The following CTNNB1 variants were observed in gnomAD, a reference collection of about 807,000 sequenced individuals.
The protein encoded by CTNNB1 is catenin beta-1.
Under a neutral mutation model 82.5 loss-of-function variants are expected in CTNNB1, and 6 were observed. The ratio of observed to expected loss-of-function variants is 0.07; its 90% CI spans 0.04 to 0.14. The LOEUF (loss-of-function observed/expected upper bound fraction) is 0.14. Ranked by LOEUF, CTNNB1 falls within the 10% of genes least tolerant of loss-of-function variation. The pLI, the probability that CTNNB1 is intolerant of heterozygous loss-of-function variation, is 1.00. For missense variants in CTNNB1, 529 were observed against 980.4 expected (o/e 0.54, Z 6.15); for synonymous variants, 312 against 329.7 (o/e 0.95, Z 0.58).
intron 1 of CTNNB1, among the ~76,000 whole-genome samples, chr3:41,210,061 AACAT>A (rs2077743034): frequency 6.6e-6 from 1 of 152,232 alleles, no homozygotes; most frequent in Non-Finnish European, 1.5e-5. Context: ...CGTAGCTTAA[AACAT>A]ACATTGTACA....
intron 1 of CTNNB1, among the ~76,000 whole-genome samples, chr3:41,214,822 T>TTA (rs1204334129): frequency 1.3e-5 from 2 of 151,922 alleles, no homozygotes; most frequent in African/African-American, 4.8e-5. Context: ...GACGTGAAAA[T>TTA]TATATGAAAT....
At chr3:41,216,897 G>A (rs757066836) in intron 1 of CTNNB1, among the ~76,000 whole-genome samples, 44 of 151,344 alleles carry the variant, frequency 2.9e-4, no homozygotes, top group African/African-American at 1.0e-3. Context: ...ACCATCCCCC[G>A]CTCACCTGGA....
At chr3:41,210,814 G>C (rs2077765462) in intron 1 of CTNNB1, among the ~76,000 whole-genome samples, 1 of 151,082 alleles carries the variant, frequency 6.6e-6, no homozygotes, top group Admixed American at 6.6e-5. Flanking sequence ...TTTTGAGATG[G>C]CATCTCACTC....
intron 10 of CTNNB1, 137 bp downstream of exon 10, chr3:41,234,434 TA>T: frequency 1.2e-6 from 1 of 853,960 alleles, no homozygotes; most frequent in East Asian, 2.6e-5. Context: ...AATAAATAAA[TA>T]ATTACACATT....
At chr3:41,223,443 T>C (rs189545528) in intron 1 of CTNNB1, among the ~76,000 whole-genome samples, 53 of 152,316 alleles carry the variant, frequency 3.5e-4, no homozygotes, top group African/African-American at 1.1e-3. Flanking sequence ...AAGGTGCTTT[T>C]GTGTTGCAAA....
intron 1 of CTNNB1, among the ~76,000 whole-genome samples, chr3:41,219,909 TTATAG>T (rs1452635668): frequency 2.0e-5 from 3 of 152,188 alleles, no homozygotes; most frequent in African/African-American, 7.2e-5. Context: ...AGGAGGTAGC[TTATAG>T]TATAGACATA....
At chr3:41,207,454 G>A (rs763349539) in intron 1 of CTNNB1, among the ~76,000 whole-genome samples, 1 of 152,026 alleles carries the variant, frequency 6.6e-6, no homozygotes, top group Non-Finnish European at 1.5e-5. Flanking sequence ...CTTTTCTCCT[G>A]AACTTCCCCT....
chr3:41,202,904 A>G (rs1381919838), intron 1 of CTNNB1, among the ~76,000 whole-genome samples: 1 of 152,136 alleles, frequency 6.6e-6, no homozygotes, highest in South Asian at 2.1e-4. Flanking sequence ...TTTGAAACCT[A>G]GGCTCATCTG....
At chr3:41,204,093 G>GTT (rs796356811) in intron 1 of CTNNB1, among the ~76,000 whole-genome samples, 4 of 143,664 alleles carry the variant, frequency 2.8e-5, no homozygotes, top group Non-Finnish European at 3.1e-5. Context: ...TATAGTTAGG[G>GTT]TTTTTTTTTT....
At position 41,233,490 on chromosome 3, in the gene CTNNB1, G is replaced by GT. The variant is rs752528672; in HGVS notation, c.1186-38dup. 9 of 1,612,880 alleles carry GT rather than the reference G, an allele frequency of 5.6e-6. No individual in the cohort carries two copies. In the African/African-American group the frequency reaches 9.3e-5, roughly 17 times the overall value. Reference sequence around the variant, plus strand: ...TGCCATGGGAATAGAGTCAAGATGAGTATGTGCTTGTACTGACCATCTGTT... The same window carrying GT: ...TGCCATGGGAATAGAGTCAAGATGAGTTATGTGCTTGTACTGACCATCTGTT... On this transcript the variant is annotated intron_variant, in intron 8 of 14. Coordinates refer to ENST00000349496, the MANE Select transcript of CTNNB1 (RefSeq NM_001904.4).
intron 1 of CTNNB1, among the ~76,000 whole-genome samples, chr3:41,220,179 A>G (rs2078010218): frequency 6.6e-6 from 1 of 152,190 alleles, no homozygotes; most frequent in South Asian, 2.1e-4. Flanking sequence ...TCCCAGCCAT[A>G]AAGAGATTTC....
chr3:41,239,103 G>T (rs2125652825), intron 14 of CTNNB1, 31 bp from the exon 15 acceptor site: 1 of 1,576,138 alleles, frequency 6.3e-7, no homozygotes, highest in Non-Finnish European at 8.7e-7. Flanking sequence ...CTTCCTTCTT[G>T]CCTATTTTGT....
chr3:41,211,826 A>G (rs1057274772), intron 1 of CTNNB1, among the ~76,000 whole-genome samples: 10 of 152,130 alleles, frequency 6.6e-5, no homozygotes, highest in Admixed American at 6.5e-4. Context: ...GCTTTTGCCT[A>G]TATTATTGGA....
chr3:41,229,070 G>C (rs1480420171), intron 7 of CTNNB1, among the ~76,000 whole-genome samples: 1 of 152,110 alleles, frequency 6.6e-6, no homozygotes, highest in East Asian at 1.9e-4. Flanking sequence ...CTCTGTGTCT[G>C]TTTGTATACC....
At chr3:41,235,572 A>G (rs2078414701) in intron 10 of CTNNB1, 152 bp from the exon 11 acceptor site, 3 of 1,003,994 alleles carry the variant, frequency 3.0e-6, no homozygotes, top group Middle Eastern at 2.8e-4. Flanking sequence ...TTTCAGTGAC[A>G]TTCAAGTTAA....
At chr3:41,236,176 A>C in intron 11 of CTNNB1, 173 bp from the exon 12 acceptor site, 1 of 859,088 alleles carries the variant, frequency 1.2e-6, no homozygotes, top group Non-Finnish European at 1.9e-6. Flanking sequence ...AATATTATGG[A>C]AATCCAGTGC....
intron 1 of CTNNB1, among the ~76,000 whole-genome samples, chr3:41,204,593 C>G (rs951780484): frequency 6.6e-6 from 1 of 152,160 alleles, no homozygotes; most frequent in Non-Finnish European, 1.5e-5. Flanking sequence ...ATAAGCAGCT[C>G]CAGCCACTGT....
chr3:41,200,694 G>A (rs1303779419), intron 1 of CTNNB1, among the ~76,000 whole-genome samples: 1 of 152,178 alleles, frequency 6.6e-6, no homozygotes, highest in East Asian at 1.9e-4. Context: ...ACTTCTTTCA[G>A]TGTTTTGTCT....
At chr3:41,222,004 T>C (rs1231679096) in intron 1 of CTNNB1, 2 of 152,204 alleles carry the variant, frequency 1.3e-5, no homozygotes, top group Non-Finnish European at 2.9e-5. Flanking sequence ...AATTGAAGTG[T>C]TCTGTTTCTC....
Sources: gnomAD v4.1 joint callset for allele counts (sites outside exome capture counted in the v4.1 genomes callset) on GRCh38, gnomAD v4.1.1 for gene constraint, MANE v1.5 for transcripts, NCBI Gene and HGNC (gene_info 2026-07-23, HGNC 2026-07-21) for gene names.